Variants in THADA observed in about 807,000 individuals in gnomAD.
THADA encodes the protein tRNA (32-2'-O)-methyltransferase regulator THADA.
THADA carries 213 observed loss-of-function variants against 219.8 expected under a neutral mutation model. The ratio of observed to expected loss-of-function variants is 0.97; its 90% CI spans 0.87 to 1.09. The LOEUF (loss-of-function observed/expected upper bound fraction) is 1.09. Among genes scored for constraint, THADA ranks in the 50% least tolerant of loss-of-function variants. The probability of loss-of-function intolerance (pLI) is 0.00; values close to 1 mark genes in which losing one functional copy is unlikely to be tolerated. For synonymous variants in THADA, 1,018 were observed against 828.9 expected (o/e 1.23, Z -3.92); for missense variants, 2,956 against 2,311.3 (o/e 1.28, Z -5.72).
intron 31 of THADA, among the ~76,000 whole-genome samples, chr2:43,316,452 T>C (rs1179566727): frequency 2.0e-5 from 3 of 152,226 alleles, no homozygotes. Flanking sequence ...GGGGCAACCC[T>C]AATCAAGTGG....
chr2:43,357,729 C>T (rs1669036255), intron 29 of THADA, among the ~76,000 whole-genome samples: 1 of 152,052 alleles, frequency 6.6e-6, no homozygotes, highest in Non-Finnish European at 1.5e-5. Context: ...TATATAGACT[C>T]AACTGGAAAG....
intron 31 of THADA, among the ~76,000 whole-genome samples, chr2:43,300,803 T>G (rs1172536174): frequency 6.6e-6 from 1 of 152,108 alleles, no homozygotes; most frequent in Non-Finnish European, 1.5e-5. Flanking sequence ...GGAAAAAATA[T>G]TCTGTTTGTG....
rs60213201 is a variant in THADA at position 43,431,628 on chromosome 2, G to C, written c.3837-1326C>G. Among the ~76,000 whole-genome samples, 226 of 105,960 alleles carry C rather than the reference G, an allele frequency of 2.1e-3. 4 individuals carry two copies. Among genetic ancestry groups the C allele is most frequent in the African/African-American group, 7.7e-3 (211 of 27,574 alleles). 69.5% of individuals were successfully genotyped at this position (105,960 alleles called of 152,430 possible). A position where few individuals can be genotyped will look rare whatever the true frequency, so the allele number is the denominator to read the frequency against. On this transcript the variant is annotated intron_variant, in intron 26 of 37. Coordinates refer to ENST00000405975, the MANE Select transcript of THADA (RefSeq NM_022065.5). ...CTACAGGCGCCCGCCACCACGCCCGGATAATTTTTTGTACTTTTTTTTTTT... is the reference window on the plus strand; with the variant it reads ...CTACAGGCGCCCGCCACCACGCCCGCATAATTTTTTGTACTTTTTTTTTTT...
chr2:43,289,458 C>T (rs891642372), intron 34 of THADA, among the ~76,000 whole-genome samples: 2 of 152,164 alleles, frequency 1.3e-5, no homozygotes, highest in African/African-American at 4.8e-5. Flanking sequence ...TCCCCAGGAG[C>T]GTCTTTTATT....
At chr2:43,532,469 T>A (rs1040662082) in intron 21 of THADA, among the ~76,000 whole-genome samples, 9 of 144,070 alleles carry the variant, frequency 6.2e-5, no homozygotes, top group African/African-American at 2.3e-4. Context: ...ATAAACGTGA[T>A]CCATCACGTA....
chr2:43,568,527 A>C (rs980524887), intron 14 of THADA, among the ~76,000 whole-genome samples: 11 of 152,234 alleles, frequency 7.2e-5, no homozygotes, highest in African/African-American at 2.7e-4. Flanking sequence ...ACTAGTTTTC[A>C]AAACATGCAT....
intron 22 of THADA, among the ~76,000 whole-genome samples, chr2:43,522,369 G>C (rs1574070458): frequency 6.6e-6 from 1 of 152,142 alleles, no homozygotes; most frequent in South Asian, 2.1e-4. Flanking sequence ...TGAAGACTTA[G>C]CTGCAGGCAC....
intron 9 of THADA, 96 bp from the exon 10 acceptor site, chr2:43,577,338 A>G: frequency 2.0e-6 from 2 of 1,000,548 alleles, no homozygotes; most frequent in East Asian, 5.3e-5. Flanking sequence ...CCCCTGAAAA[A>G]TCCTAGGAAA....
intron 28 of THADA, among the ~76,000 whole-genome samples, chr2:43,415,648 G>A (rs1360779307): frequency 1.3e-5 from 2 of 152,128 alleles, no homozygotes; most frequent in East Asian, 3.8e-4. Context: ...CTAGAGCCTG[G>A]GGCTTCTGTG....
At chr2:43,420,248 T>C (rs936330422) in intron 28 of THADA, among the ~76,000 whole-genome samples, 1 of 152,252 alleles carries the variant, frequency 6.6e-6, no homozygotes, top group Non-Finnish European at 1.5e-5. Context: ...TTAGTGTATA[T>C]GTCATATAAT....
chr2:43,401,348 G>A (rs928961651), intron 28 of THADA, among the ~76,000 whole-genome samples: 4 of 151,608 alleles, frequency 2.6e-5, no homozygotes, highest in Admixed American at 6.6e-5. Context: ...GTGTGATCTC[G>A]GCTCACTGCA....
At chr2:43,451,346 C>T (rs1021400558) in intron 26 of THADA, among the ~76,000 whole-genome samples, 2 of 152,186 alleles carry the variant, frequency 1.3e-5, no homozygotes, top group Admixed American at 1.3e-4. Context: ...TTCCTCATTT[C>T]CTATTATCCC....
chr2:43,566,532 T>C, intron 15 of THADA, 166 bp downstream of exon 15: 3 of 802,496 alleles, frequency 3.7e-6, no homozygotes, highest in South Asian at 1.4e-5. Context: ...CTTCCTCTTC[T>C]GTCCTTTACT....
Position 43,577,048 on chromosome 2 carries a change from T to C in THADA, c.1011A>G (p.Ala337=). 1.9e-6 allele frequency: 3 copies of C among 1,613,240 alleles called. No homozygotes were observed. Among genetic ancestry groups the C allele is most frequent in the Non-Finnish European group, 2.5e-6 (3 of 1,179,642 alleles). ...GTGAACTCAAGGTGAACAAAACATG[T>C]GCAGTATCCAAGAGCAGGGCCTCCC... The part of the protein sequence containing the change: ...RSGEALLLDT[A]HVLFTLSSQI... The change falls in exon 10 of 38, where the codon GCA becomes GCG. Residue 337 remains alanine, a synonymous_variant. Transcript: ENST00000405975.
intron 36 of THADA, among the ~76,000 whole-genome samples, chr2:43,247,740 A>G (rs1669307755): frequency 6.6e-6 from 1 of 150,886 alleles, no homozygotes; most frequent in Non-Finnish European, 1.5e-5. Context: ...AAAAAAAAAA[A>G]AAAAAAAAAA....
chr2:43,573,070 C>A, intron 11 of THADA, 78 bp from the exon 12 acceptor site: 1 of 1,147,824 alleles, frequency 8.7e-7, no homozygotes, highest in Non-Finnish European at 1.2e-6. Context: ...TTTCATGTTT[C>A]CAATTAACAT....
At chr2:43,287,593 G>A (rs986869977) in intron 34 of THADA, among the ~76,000 whole-genome samples, 1 of 152,226 alleles carries the variant, frequency 6.6e-6, no homozygotes, top group East Asian at 1.9e-4. Flanking sequence ...CACTGCTCCC[G>A]GCCTTCCTTT....
At position 43,581,899 on chromosome 2, in the gene THADA, G is replaced by T; in HGVS notation, c.563C>A (p.Thr188Lys). 6.4e-7 allele frequency: 1 copy of T among 1,561,198 alleles called. No homozygotes were observed. The highest frequency in any genetic ancestry group is 8.6e-7 in the Non-Finnish European group (1 of 1,159,574). ...TACCAGTAAGTCATTCATCAACTGTGTTTGAATAATATGATTTCCAGCACA... is the reference window on the plus strand; with the variant it reads ...TACCAGTAAGTCATTCATCAACTGTTTTTGAATAATATGATTTCCAGCACA... ...RKCAGNHIIQ[T>K]QLMNDLLVGI... Residue 188 changes from threonine to lysine, a missense_variant, in exon 8 of 38, where the codon ACA (threonine) becomes AAA (lysine). Coordinates refer to ENST00000405975, the MANE Select transcript of THADA (RefSeq NM_022065.5).
At chr2:43,594,218 C>T (rs531541248) in intron 1 of THADA, among the ~76,000 whole-genome samples, 4 of 152,272 alleles carry the variant, frequency 2.6e-5, no homozygotes, top group African/African-American at 9.6e-5. Flanking sequence ...AAAAAACTCT[C>T]ATCAAATTGA....
Sources: allele counts gnomAD v4.1 joint callset (sites outside exome capture counted in the v4.1 genomes callset), GRCh38; gene constraint gnomAD v4.1.1; transcripts MANE v1.5; gene names NCBI Gene and HGNC (gene_info 2026-07-23, HGNC 2026-07-21).